SLF1: variants seen among roughly 807,000 people sequenced by gnomAD.
The protein encoded by SLF1 is SMC5-SMC6 complex localization factor protein 1.
SLF1 carries 105 observed loss-of-function variants against 123.0 expected under a neutral mutation model. That is an observed-to-expected ratio of 0.85 (90% CI 0.73 to 1.00). SLF1 has a LOEUF of 1.00. Ranked by LOEUF, SLF1 falls within the 50% of genes least tolerant of loss-of-function variation. SLF1 has a pLI of 0.00. For synonymous variants in SLF1, 434 were observed against 406.6 expected (o/e 1.07, Z -0.81); for missense variants, 1,239 against 1,223.0 (o/e 1.01, Z -0.20).
intron 12 of SLF1, among the ~76,000 whole-genome samples, 167 bp from the exon 13 acceptor site, chr5:94,669,981 ATTG>A (rs2152489849): frequency 6.6e-6 from 1 of 152,094 alleles, no homozygotes; most frequent in Admixed American, 6.5e-5. Flanking sequence ...GATATTTGAC[ATTG>A]TTTAATTTTT....
chr5:94,663,278 CTCTTTG>C, intron 10 of SLF1, among the ~76,000 whole-genome samples: 1 of 152,268 alleles, frequency 6.6e-6, no homozygotes, highest in Non-Finnish European at 1.5e-5. Context: ...ACATATCATC[CTCTTTG>C]AACTACATAG....
At chr5:94,623,496 CT>C (rs901876692) in intron 1 of SLF1, among the ~76,000 whole-genome samples, 4 of 151,264 alleles carry the variant, frequency 2.6e-5, no homozygotes, top group South Asian at 2.1e-4. Context: ...TTTTTCCCTC[CT>C]TTTTTTTGGT....
chr5:94,693,507 TCTC>T (rs975234864), intron 20 of SLF1, among the ~76,000 whole-genome samples: 1 of 152,012 alleles, frequency 6.6e-6, no homozygotes, highest in Non-Finnish European at 1.5e-5. Context: ...GAGATGAGTT[TCTC>T]CTCCTAGAAG....
chr5:94,688,354 A>G (rs1220953563), intron 16 of SLF1, 152 bp from the exon 17 acceptor site: 4 of 672,566 alleles, frequency 5.9e-6, no homozygotes, highest in Non-Finnish European at 7.1e-6. Flanking sequence ...TAGTTTTCTT[A>G]ATATTTTATT....
At chr5:94,663,269 C>G (rs1296948662) in intron 10 of SLF1, among the ~76,000 whole-genome samples, 2 of 152,200 alleles carry the variant, frequency 1.3e-5, no homozygotes, top group African/African-American at 4.8e-5. Context: ...TACATTCATA[C>G]ATATCATCCT....
chr5:94,651,939 G>C, intron 7 of SLF1, 94 bp downstream of exon 7: 1 of 574,508 alleles, frequency 1.7e-6, no homozygotes, highest in Non-Finnish European at 2.6e-6. Flanking sequence ...ATAAAAATGA[G>C]TTATGTATCC....
intron 15 of SLF1, among the ~76,000 whole-genome samples, chr5:94,680,861 G>A (rs1751679843): frequency 6.6e-6 from 1 of 152,148 alleles, no homozygotes; most frequent in Non-Finnish European, 1.5e-5. Context: ...CTTTGATTCT[G>A]TGAGTAACAT....
At chr5:94,631,986 TTTC>T (rs1561423724) in intron 4 of SLF1, among the ~76,000 whole-genome samples, 1 of 90,138 alleles carries the variant, frequency 1.1e-5, no homozygotes, top group Non-Finnish European at 2.4e-5. Context: ...TTTTTTTTTT[TTTC>T]CAAATTAAAT....
intron 15 of SLF1, among the ~76,000 whole-genome samples, chr5:94,682,175 A>T (rs1264071866): frequency 1.3e-5 from 2 of 152,216 alleles, no homozygotes; most frequent in Non-Finnish European, 1.5e-5. Context: ...TGAGAGCAAA[A>T]TAATCCATCA....
At chr5:94,641,636 A>G (rs1324615042) in intron 4 of SLF1, among the ~76,000 whole-genome samples, 1 of 152,086 alleles carries the variant, frequency 6.6e-6, no homozygotes, top group Non-Finnish European at 1.5e-5. Context: ...GCTTTCAACA[A>G]TCCTTAAACT....
intron 14 of SLF1, 60 bp from the exon 15 acceptor site, chr5:94,678,747 AT>A (rs1176472885): frequency 1.4e-6 from 2 of 1,434,098 alleles, no homozygotes; most frequent in Admixed American, 4.0e-5. Context: ...TTCAAAATAA[AT>A]ACTAACAGAA....
At chr5:94,634,986 G>T (rs550018031) in intron 4 of SLF1, among the ~76,000 whole-genome samples, 1 of 152,168 alleles carries the variant, frequency 6.6e-6, no homozygotes, top group African/African-American at 2.4e-5. Context: ...TATTCCACAG[G>T]TTGCCTCTTC....
Position 94,689,577 on chromosome 5 carries a change from A to T in SLF1, c.2390A>T (p.Lys797Met), listed in dbSNP as rs1752843030. 2 of 1,610,288 alleles carry T rather than the reference A, an allele frequency of 1.2e-6. No homozygotes were observed. Among genetic ancestry groups the T allele is most frequent in the Admixed American group, 3.4e-5 (2 of 59,690 alleles). ...GAGAATTGCCCCTCTGTAGTTAAAAAGATGAATTTTCACAAGACTAATCTA... is the reference window on the plus strand; with the variant it reads ...GAGAATTGCCCCTCTGTAGTTAAAATGATGAATTTTCACAAGACTAATCTA... The part of the protein sequence containing the change: ...SKENCPSVVK[K>M]MNFHKTNLKG... Residue 797 changes from lysine to methionine, a missense_variant, in exon 18 of 21, where the codon AAG becomes ATG. Physicochemically the swap from Lys to Met is moderately conservative, Grantham distance 95. Transcript: ENST00000265140.
intron 1 of SLF1, among the ~76,000 whole-genome samples, chr5:94,619,651 C>T (rs1048125160): frequency 6.6e-6 from 1 of 152,138 alleles, no homozygotes; most frequent in Non-Finnish European, 1.5e-5. Flanking sequence ...AACATTTGAA[C>T]TGAATTTACA....
chr5:94,651,391 T>A (rs181346647), intron 6 of SLF1, among the ~76,000 whole-genome samples: 10 of 152,198 alleles, frequency 6.6e-5, no homozygotes, highest in Admixed American at 6.5e-4. Context: ...AGTAGAAATA[T>A]CCTTTTTTAA....
chr5:94,677,916 A>G (rs927841366), intron 14 of SLF1, among the ~76,000 whole-genome samples: 1 of 141,750 alleles, frequency 7.1e-6, no homozygotes, highest in Non-Finnish European at 1.5e-5. Context: ...ATCATATAAA[A>G]TGATATACTT....
At chr5:94,649,372 G>C (rs996773960) in intron 5 of SLF1, 82 bp from the exon 6 acceptor site, 5 of 1,173,962 alleles carry the variant, frequency 4.3e-6, no homozygotes, top group Non-Finnish European at 5.6e-6. Flanking sequence ...AAGTATTATA[G>C]TTAAAGTTGA....
chr5:94,626,748 G>A (rs2152464560), intron 1 of SLF1, among the ~76,000 whole-genome samples: 1 of 152,332 alleles, frequency 6.6e-6, no homozygotes, highest in African/African-American at 2.4e-5. Context: ...CACACAGGCA[G>A]TGCAGGACTA....
chr5:94,654,817 A>C (rs1038956113), intron 9 of SLF1, 65 bp downstream of exon 9: 2 of 1,193,794 alleles, frequency 1.7e-6, no homozygotes, highest in Non-Finnish European at 2.2e-6. Context: ...TTCAAAATAT[A>C]ATTATATATA....
Sources: allele counts gnomAD v4.1 joint callset (sites outside exome capture counted in the v4.1 genomes callset), GRCh38; gene constraint gnomAD v4.1.1; transcripts MANE v1.5; gene names NCBI Gene and HGNC (gene_info 2026-07-23, HGNC 2026-07-21).